Variants in MAP1LC3B observed in about 807,000 individuals in gnomAD.
The protein encoded by MAP1LC3B is microtubule-associated protein 1 light chain 3 beta.
A neutral mutation model predicts 16.7 loss-of-function variants in MAP1LC3B; 12 were observed. The observed-to-expected ratio is 0.72, with a 90% CI of 0.46 to 1.16. The LOEUF (loss-of-function observed/expected upper bound fraction) is 1.16, where lower values mean the gene tolerates loss of function less well. Among genes scored for constraint, MAP1LC3B ranks in the 50% most tolerant of loss-of-function variants. The pLI, the probability that MAP1LC3B is intolerant of heterozygous loss-of-function variation, is 0.00. For missense variants in MAP1LC3B, 155 were observed against 159.5 expected (o/e 0.97, Z 0.15); for synonymous variants, 63 against 56.5 (o/e 1.11, Z -0.51).
At chr16:87,393,872 T>C (rs910415747) in intron 1 of MAP1LC3B, among the ~76,000 whole-genome samples, 25 of 152,198 alleles carry the variant, frequency 1.6e-4, no homozygotes, top group Admixed American at 1.6e-3. Flanking sequence ...AGACCTGGCT[T>C]CTGTTTTCAC....
chr16:87,402,421 G>A (rs1017570779), intron 3 of MAP1LC3B, 140 bp downstream of exon 3: 1 of 794,966 alleles, frequency 1.3e-6, no homozygotes, highest in Non-Finnish European at 1.9e-6. Context: ...ATTCAGTTAT[G>A]ATTAAAACAA....
In MAP1LC3B at chr16:87,395,843, C is replaced by G. The variant is rs1907778427; in HGVS notation, c.41-2972C>G. ...TGAAACTTCATAGAGCCTGTTTTTTCCTTCTTTCCTTTTTTTTTTTTTTTT... is the reference window on the plus strand; with the variant it reads ...TGAAACTTCATAGAGCCTGTTTTTTGCTTCTTTCCTTTTTTTTTTTTTTTT... On this transcript the variant is annotated intron_variant, in intron 1 of 3. Coordinates refer to ENST00000268607, the MANE Select transcript of MAP1LC3B (RefSeq NM_022818.5). Among the ~76,000 whole-genome samples the G allele has an allele frequency of 2.2e-5, 3 of 135,418 alleles. No individual in the cohort carries two copies. The South Asian group carries it at 7.2e-4, about 32-fold the overall frequency. 88.8% of individuals were successfully genotyped at this position (135,418 alleles called of 152,430 possible).
chr16:87,396,335 C>T (rs1021155766), intron 1 of MAP1LC3B, among the ~76,000 whole-genome samples: 4 of 150,850 alleles, frequency 2.7e-5, no homozygotes, highest in African/African-American at 4.9e-5. Context: ...ATTAGCCGGG[C>T]GTGGTGGCGG....
Position 87,397,560 on chromosome 16 carries a change from G to A in MAP1LC3B, c.41-1255G>A, listed in dbSNP as rs1401000882. The stretch of plus-strand genomic sequence containing the variant: ...GTGAACCCAGGAGGCGGAGCTTGCA[G>A]TGAGCGGAGATTGCAGCACTGCACT... On this transcript the variant is annotated intron_variant, in intron 1 of 3. Coordinates refer to ENST00000268607, the MANE Select transcript of MAP1LC3B (RefSeq NM_022818.5). 2.0e-5 allele frequency among the ~76,000 whole-genome samples: 3 copies of A among 152,330 alleles called. No individual in the cohort carries two copies. The East Asian group carries it at 5.8e-4, about 29-fold the overall frequency.
At chr16:87,401,544 T>G (rs1907992390) in intron 2 of MAP1LC3B, among the ~76,000 whole-genome samples, 1 of 152,232 alleles carries the variant, frequency 6.6e-6, no homozygotes, top group South Asian at 2.1e-4. Context: ...CTATTTTATT[T>G]ATTTATTGGA....
Position 87,392,415 on chromosome 16 carries a change from A to T in MAP1LC3B, c.-13A>T. ...CGCGTCGTCGCCGCCGCCGCCGCCC[A>T]GATCCCTGCACCATGCCGTCGGAGA... On this transcript the variant is annotated 5_prime_UTR_variant, in exon 1 of 4. Coordinates refer to ENST00000268607, the MANE Select transcript of MAP1LC3B (RefSeq NM_022818.5). 1 of 1,427,738 alleles carries T rather than the reference A, an allele frequency of 7.0e-7. No homozygotes were observed. The highest frequency in any genetic ancestry group is 1.4e-5 in the South Asian group (1 of 70,738). The allele number at this position is 1,427,738 out of a possible 1,614,324, so 88.4% of individuals were successfully genotyped here. A position where few individuals can be genotyped will look rare whatever the true frequency, so the allele number is the denominator to read the frequency against.
rs999148101 is a variant in MAP1LC3B at position 87,393,477 on chromosome 16, T to C, written c.40+1010T>C. ...AGTTTCCCGGAGTCTAGAAAGAGTT[T>C]AGCATTCATTTGAGTTTGGATATAG... On this transcript the variant is annotated intron_variant, in intron 1 of 3. Coordinates refer to ENST00000268607, the MANE Select transcript of MAP1LC3B (RefSeq NM_022818.5). Among the ~76,000 whole-genome samples the C allele has an allele frequency of 1.3e-5, 2 of 152,324 alleles. 1 individual carries two copies. Among genetic ancestry groups the C allele is most frequent in the South Asian group, 4.1e-4 (2 of 4,832 alleles).
At chr16:87,398,221 T>C (rs1907873269) in intron 1 of MAP1LC3B, among the ~76,000 whole-genome samples, 1 of 152,036 alleles carries the variant, frequency 6.6e-6, no homozygotes, top group African/African-American at 2.4e-5. Flanking sequence ...CGGGACAGGG[T>C]TTCACCATGT....
Position 87,401,705 on chromosome 16 carries a change from T to C in MAP1LC3B, c.97-470T>C, listed in dbSNP as rs554775801. 2.0e-5 allele frequency among the ~76,000 whole-genome samples: 3 copies of C among 152,234 alleles called. No homozygotes were observed. In the South Asian group the frequency reaches 6.2e-4, roughly 32 times the overall value. ...CCACCACACCTGGATAATTTTTGTA[T>C]TTTTAGTAGAGTCGGGGTTTTGCCA... On this transcript the variant is annotated intron_variant, in intron 2 of 3. Coordinates refer to ENST00000268607, the MANE Select transcript of MAP1LC3B (RefSeq NM_022818.5).
chr16:87,402,990 G>T lies in MAP1LC3B; in HGVS notation c.271G>T (p.Val91Phe), dbSNP rs149003518. 2.5e-6 allele frequency: 4 copies of T among 1,614,040 alleles called. No individual in the cohort carries two copies. The highest frequency in any genetic ancestry group is 3.4e-6 in the Non-Finnish European group (4 of 1,179,912). The change falls in exon 4 of 4, where the codon GTC becomes TTC. Residue 91 changes from valine (V) to phenylalanine (F), a missense_variant. Val to Phe is a conservative substitution (Grantham distance 50, BLOSUM62 -1). Coordinates refer to ENST00000268607, the MANE Select transcript of MAP1LC3B (RefSeq NM_022818.5). ...GGTGAACGGACACAGCATGGTCAGC[G>T]TCTCCACACCAATCTCAGAGGTGTA... ...LLVNGHSMVS[V>F]STPISEVYES...
chr16:87,393,688 T>C (rs1907692215), intron 1 of MAP1LC3B, among the ~76,000 whole-genome samples: 1 of 150,750 alleles, frequency 6.6e-6, no homozygotes, highest in Non-Finnish European at 1.5e-5. Flanking sequence ...ATGAACTCTT[T>C]ACTGTAGTGT....
At position 87,403,045 on chromosome 16, in the gene MAP1LC3B, T is replaced by G; in HGVS notation, c.326T>G (p.Leu109Arg). 6.2e-7 allele frequency: 1 copy of G among 1,614,184 alleles called. No homozygotes were observed. The highest frequency in any genetic ancestry group is 8.5e-7 in the Non-Finnish European group (1 of 1,180,026). ...AGTGAGAAAGATGAAGATGGATTCC[T>G]GTACATGGTCTATGCCTCCCAGGAG... is the stretch of plus-strand genomic sequence containing the variant. Reference protein sequence around the residue: ...YESEKDEDGFLYMVYASQETF... With the variant: ...YESEKDEDGFRYMVYASQETF... Residue 109 changes from leucine (L) to arginine (R), a missense_variant, in exon 4 of 4, where the codon CTG becomes CGG. Physicochemically the swap from Leu to Arg is moderately radical, Grantham distance 102 (BLOSUM62 -2). Coordinates refer to ENST00000268607, the MANE Select transcript of MAP1LC3B (RefSeq NM_022818.5).
At chr16:87,397,272 G>A (rs908082992) in intron 1 of MAP1LC3B, among the ~76,000 whole-genome samples, 31 of 152,118 alleles carry the variant, frequency 2.0e-4, no homozygotes, top group African/African-American at 7.2e-4. Context: ...AACAGAAGTC[G>A]AACTTATGGC....
intron 1 of MAP1LC3B, among the ~76,000 whole-genome samples, chr16:87,395,225 A>G (rs1426824686): frequency 6.6e-6 from 1 of 152,220 alleles, no homozygotes; most frequent in Non-Finnish European, 1.5e-5. Flanking sequence ...AAGGCTCTTA[A>G]GGATCTTTTT....
intron 2 of MAP1LC3B, 58 bp from the exon 3 acceptor site, chr16:87,402,117 G>A: frequency 1.3e-6 from 2 of 1,584,812 alleles, no homozygotes; most frequent in Non-Finnish European, 1.7e-6. Flanking sequence ...TTACAGGTGT[G>A]AGCCACCGCG....
Position 87,403,026 on chromosome 16 carries a change from A to G in MAP1LC3B, c.307A>G (p.Lys103Glu). The change falls in exon 4 of 4, where the codon AAA (lysine) becomes GAA (glutamate). Residue 103 changes from lysine (K) to glutamate (E), a missense_variant. By Grantham distance (56) the Lys-to-Glu change is moderately conservative. Transcript: ENST00000268607. ...TPISEVYESE[K>E]DEDGFLYMVY... is the part of the protein sequence containing the mutation. ...AATCTCAGAGGTGTATGAGAGTGAG[A>G]AAGATGAAGATGGATTCCTGTACAT... 1.2e-6 allele frequency: 2 copies of G among 1,614,182 alleles called. No homozygotes were observed. Among genetic ancestry groups the G allele is most frequent in the Non-Finnish European group, 1.7e-6 (2 of 1,180,012 alleles).
intron 3 of MAP1LC3B, chr16:87,402,599 C>T (rs1407605690): frequency 7.5e-6 from 4 of 534,372 alleles, no homozygotes; most frequent in Non-Finnish European, 9.8e-6. Flanking sequence ...AGAATGTAGA[C>T]TCTGTGAGTG....
In MAP1LC3B at chr16:87,403,694, C is replaced by T. The variant is rs1434235126; in HGVS notation, c.*597C>T. The T allele has an allele frequency of 3.3e-5, 5 of 152,354 alleles. No individual in the cohort carries two copies. Among genetic ancestry groups the T allele is most frequent in the Non-Finnish European group, 7.3e-5 (5 of 68,142 alleles). The allele number at this position is 152,354 out of a possible 1,614,324, so 9.4% of individuals were successfully genotyped here. On this transcript the variant is annotated 3_prime_UTR_variant, in exon 4 of 4. Transcript: ENST00000268607. Reference sequence around the variant, plus strand: ...AGGTCCCTGACTCCTAAGAGAACCACACCCAAAGTCCTCACTCTTGCAGGG... The same window carrying T: ...AGGTCCCTGACTCCTAAGAGAACCATACCCAAAGTCCTCACTCTTGCAGGG...
At chr16:87,397,911 A>G (rs1009943123) in intron 1 of MAP1LC3B, among the ~76,000 whole-genome samples, 3 of 142,126 alleles carry the variant, frequency 2.1e-5, no homozygotes, top group Non-Finnish European at 4.6e-5. Flanking sequence ...CTCTAACTGT[A>G]TTTTTGGGTT....
Sources: allele counts gnomAD v4.1 joint callset (sites outside exome capture counted in the v4.1 genomes callset), GRCh38; gene constraint gnomAD v4.1.1; transcripts MANE v1.5; gene names NCBI Gene and HGNC (gene_info 2026-07-23, HGNC 2026-07-21).